The following ACSM2A variants were observed in gnomAD, a reference collection of about 807,000 sequenced individuals.
ACSM2A encodes acyl-CoA synthetase medium chain family member 2A, also known as acyl-coenzyme A synthetase ACSM2A, mitochondrial.
Under a neutral mutation model 76.6 loss-of-function variants are expected in ACSM2A, and 72 were observed. That is an observed-to-expected ratio of 0.94 (90% CI 0.78 to 1.14). The LOEUF (loss-of-function observed/expected upper bound fraction) is 1.14. ACSM2A is among the 50% of genes most tolerant of loss of function. The pLI is 0.00. For synonymous variants in ACSM2A, 249 were observed against 255.9 expected, an observed-to-expected ratio of 0.97 and a Z score of 0.26; for missense variants, 684 against 708.5, an observed-to-expected ratio of 0.97 and a Z score of 0.39.
chr16:20,472,055 G>A (rs996083332), intron 6 of ACSM2A, among the ~76,000 whole-genome samples: 1 of 152,066 alleles, frequency 6.6e-6, no homozygotes, highest in Non-Finnish European at 1.5e-5. Context: ...TCATGAGTGT[G>A]TGTGTGTGTT....
intron 13 of ACSM2A, among the ~76,000 whole-genome samples, chr16:20,485,535 C>T (rs559232069): frequency 6.6e-6 from 1 of 152,202 alleles, no homozygotes; most frequent in African/African-American, 2.4e-5. Flanking sequence ...GTTGCAACTA[C>T]TCAACTTTGC....
intron 8 of ACSM2A, chr16:20,476,460 C>G (rs1189402329): frequency 1.0e-6 from 1 of 985,342 alleles, no homozygotes; most frequent in Non-Finnish European, 1.2e-6. Flanking sequence ...CTTGGAAGAA[C>G]TTTTGCAGAA....
At chr16:20,470,909 A>G (rs1437391002) in intron 4 of ACSM2A, 164 bp from the exon 5 acceptor site, 3 of 1,117,670 alleles carry the variant, frequency 2.7e-6, no homozygotes, top group Admixed American at 2.0e-5. Flanking sequence ...CCCAACTCTG[A>G]TTGACTCAGA....
intron 10 of ACSM2A, among the ~76,000 whole-genome samples, chr16:20,479,806 A>C (rs1329437995): frequency 6.6e-6 from 1 of 152,228 alleles, no homozygotes; most frequent in African/African-American, 2.4e-5. Flanking sequence ...CATGATGCCC[A>C]TGAGAAAGTC....
rs1268020126 is a variant in ACSM2A, at chr16:20,469,662, A to G, written c.539A>G (p.Lys180Arg). The change falls in exon 4 of 14, where the codon AAG (lysine) becomes AGG (arginine). Residue 180 changes from lysine (K) to arginine (R), a missense_variant. Lys to Arg is a conservative substitution (Grantham distance 26). Coordinates refer to ENST00000573854, the MANE Select transcript of ACSM2A (RefSeq NM_001308172.2). ...VASECPSLRIKLLVSEKSCDG... is the reference protein window; with the variant it reads ...VASECPSLRIRLLVSEKSCDG... ...TCTGAATGTCCTTCTCTGAGAATTAAGCTACTGGTGTCTGAGAAAAGCTGT... is the reference window on the plus strand; with the variant it reads ...TCTGAATGTCCTTCTCTGAGAATTAGGCTACTGGTGTCTGAGAAAAGCTGT... 3 of 1,613,770 alleles carry G rather than the reference A, an allele frequency of 1.9e-6. No homozygotes were observed. In the African/African-American group the frequency reaches 4.0e-5, roughly 22 times the overall value.
chr16:20,471,321 T>G, intron 5 of ACSM2A, 105 bp downstream of exon 5: 1 of 1,525,128 alleles, frequency 6.6e-7, no homozygotes, highest in Non-Finnish European at 8.8e-7. Flanking sequence ...GGTCCCACCT[T>G]CTGAACATTC....
chr16:20,483,501 T>C (rs2014214529), intron 13 of ACSM2A, among the ~76,000 whole-genome samples: 1 of 124,274 alleles, frequency 8.0e-6, no homozygotes, highest in Non-Finnish European at 1.6e-5. Context: ...ATCTGGGAGG[T>C]GGAGGTTACA....
chr16:20,466,877 A>G (rs1460226244), intron 3 of ACSM2A, among the ~76,000 whole-genome samples: 1 of 152,310 alleles, frequency 6.6e-6, no homozygotes, highest in East Asian at 1.9e-4. Context: ...CTCCTGAACT[A>G]TAATTCTAAC....
Position 20,467,670 on chromosome 16 carries a change from A to G in ACSM2A, c.389-1842A>G, listed in dbSNP as rs566016078. Among the ~76,000 whole-genome samples, 57 of 152,308 alleles carry G rather than the reference A, an allele frequency of 3.7e-4. 1 individual carries two copies. In the South Asian group the frequency reaches 3.9e-3, roughly 11 times the overall value. On this transcript the variant is annotated intron_variant, in intron 3 of 13. Transcript: ENST00000573854. ...GTGCTTTCTTTCACTGGAGTGAAGA[A>G]CACAGATATAGAAAGAGGTATTAGT... is the stretch of plus-strand genomic sequence containing the variant.
At chr16:20,485,362 C>T (rs2014327924) in intron 13 of ACSM2A, among the ~76,000 whole-genome samples, 1 of 152,132 alleles carries the variant, frequency 6.6e-6, no homozygotes, top group African/African-American at 2.4e-5. Flanking sequence ...GCACCTTCCC[C>T]CTCCTTCCAC....
rs1221443512 is a variant in ACSM2A, at chr16:20,486,711, C to G, written c.*33C>G. On this transcript the variant is annotated 3_prime_UTR_variant, in exon 14 of 14. Transcript: ENST00000573854. ...AAGAGACATTCATTTGGATTCCCCT[C>G]TTCTTTCTCTTTCTTTTCCCTTTGG... is the stretch of plus-strand genomic sequence containing the variant. The G allele has an allele frequency of 8.7e-6, 14 of 1,610,100 alleles. No individual in the cohort carries two copies. In the East Asian group the frequency reaches 3.1e-4, roughly 36 times the overall value.
chr16:20,486,374 C>T (rs1277963382), intron 13 of ACSM2A, among the ~76,000 whole-genome samples, 200 bp from the exon 14 acceptor site: 1 of 152,202 alleles, frequency 6.6e-6, no homozygotes, highest in Non-Finnish European at 1.5e-5. Context: ...GAGAATATGT[C>T]AAAGACCTTT....
Position 20,474,323 on chromosome 16 carries a change from A to G in ACSM2A, c.895-1039A>G, listed in dbSNP as rs2013595932. ...GATGATTGGGCCTCATGAGGGATTA[A>G]TGGATTAATGGGTTATCCTGTTAGT... On this transcript the variant is annotated intron_variant, in intron 6 of 13. Coordinates refer to ENST00000573854, the MANE Select transcript of ACSM2A (RefSeq NM_001308172.2). The G allele has an allele frequency of 2.9e-5, 6 of 203,482 alleles. No homozygotes were observed. In the South Asian group the frequency reaches 4.3e-4, roughly 15 times the overall value. 12.6% of individuals were successfully genotyped at this position (203,482 alleles called of 1,614,324 possible). A position where few individuals can be genotyped will look rare whatever the true frequency, so the allele number is the denominator to read the frequency against.
In ACSM2A at chr16:20,477,392, G is replaced by C; in HGVS notation, c.1122G>C (p.Lys374Asn). The change falls in exon 9 of 14, where the codon AAG (lysine) becomes AAC (asparagine). Residue 374 changes from lysine to asparagine, a missense_variant. Coordinates refer to ENST00000573854, the MANE Select transcript of ACSM2A (RefSeq NM_001308172.2). ...AGGGATTAACTTGCATGGTTTCCAA[G>C]ACAATGAAAATCAAACCAGGATACA... is the stretch of plus-strand genomic sequence containing the variant. ...TETGLTCMVSKTMKIKPGYMG... is the reference protein window; with the variant it reads ...TETGLTCMVSNTMKIKPGYMG... 6.2e-7 allele frequency: 1 copy of C among 1,609,824 alleles called. No homozygotes were observed. The highest frequency in any genetic ancestry group is 8.5e-7 in the Non-Finnish European group (1 of 1,177,372).
Position 20,480,703 on chromosome 16 carries a change from G to A in ACSM2A, c.1409+3G>A, listed in dbSNP as rs2141757902. 1 of 1,580,124 alleles carries A rather than the reference G, an allele frequency of 6.3e-7. No homozygotes were observed. The highest frequency in any genetic ancestry group is 1.4e-5 in the African/African-American group (1 of 73,944). ...AATGATATCATTAACTCCAGCGGGT[G>A]AGCTTGGTTTCTGGGTTGGGAAGGG... On this transcript the variant is annotated splice_donor_region_variant and intron_variant, in intron 11 of 13. Transcript: ENST00000573854.
At chr16:20,485,238 G>T (rs1167202077) in intron 13 of ACSM2A, among the ~76,000 whole-genome samples, 6 of 151,836 alleles carry the variant, frequency 4.0e-5, no homozygotes, top group South Asian at 2.1e-4. Flanking sequence ...TATTGTAGAA[G>T]GCTGAGTCAA....
chr16:20,479,720 G>A (rs2013975741), intron 10 of ACSM2A, among the ~76,000 whole-genome samples: 2 of 152,162 alleles, frequency 1.3e-5, no homozygotes, highest in Non-Finnish European at 1.5e-5. Context: ...TATGTCATGG[G>A]CTTCTCCCCA....
At chr16:20,468,683 T>G (rs1210536379) in intron 3 of ACSM2A, among the ~76,000 whole-genome samples, 3 of 152,202 alleles carry the variant, frequency 2.0e-5, no homozygotes, top group Non-Finnish European at 2.9e-5. Context: ...TTCTACAGAA[T>G]ATTTTAATAA....
chr16:20,483,424 GC>G (rs2014209519), intron 13 of ACSM2A, among the ~76,000 whole-genome samples: 1 of 151,432 alleles, frequency 6.6e-6, no homozygotes, highest in African/African-American at 2.4e-5. Context: ...GCAAAAATTA[GC>G]CCGGTGTAGT....
Sources: allele counts gnomAD v4.1 joint callset (sites outside exome capture counted in the v4.1 genomes callset), GRCh38; gene constraint gnomAD v4.1.1; transcripts MANE v1.5; gene names NCBI Gene and HGNC (gene_info 2026-07-23, HGNC 2026-07-21).